The following PARVB variants were observed in gnomAD, a reference collection of about 807,000 sequenced individuals.
The protein encoded by PARVB is parvin beta, also known as beta-parvin.
In PARVB, 46 loss-of-function variants were observed where a neutral mutation model predicts 47.0. That is an observed-to-expected ratio of 0.98 (90% CI 0.77 to 1.25). PARVB has a LOEUF of 1.25. PARVB is among the 50% of genes most tolerant of loss of function. The probability of loss-of-function intolerance (pLI) is 0.00; values close to 1 mark genes in which losing one functional copy is unlikely to be tolerated. For synonymous variants in PARVB, 196 were observed against 196.3 expected (o/e 1.00, Z 0.01); for missense variants, 473 against 471.6 (o/e 1.00, Z -0.03).
chr22:44,056,733 T>C (rs966363776), intron 1 of PARVB, among the ~76,000 whole-genome samples: 2 of 151,828 alleles, frequency 1.3e-5, no homozygotes, highest in African/African-American at 4.8e-5. Flanking sequence ...CTCGAACCCC[T>C]GGGCTCAAGT....
intron 2 of PARVB, among the ~76,000 whole-genome samples, chr22:44,018,120 G>A (rs756435456): frequency 1.3e-5 from 2 of 152,044 alleles, no homozygotes; most frequent in African/African-American, 2.4e-5. Context: ...ACCACATCTC[G>A]GCCAGGCACA....
At chr22:44,127,615 GT>G (rs2053215736) in intron 4 of PARVB, among the ~76,000 whole-genome samples, 1 of 152,228 alleles carries the variant, frequency 6.6e-6, no homozygotes, top group Non-Finnish European at 1.5e-5. Flanking sequence ...GGAAGAGGAA[GT>G]TCTGGCAAAG....
chr22:44,010,301 T>C (rs1385419312), intron 2 of PARVB, among the ~76,000 whole-genome samples: 7 of 152,156 alleles, frequency 4.6e-5, no homozygotes, highest in Non-Finnish European at 8.8e-5. Context: ...CTTAACCCCA[T>C]GTGATGAATG....
At chr22:44,162,404 C>G (rs534660241) in intron 11 of PARVB, among the ~76,000 whole-genome samples, 3 of 152,208 alleles carry the variant, frequency 2.0e-5, no homozygotes, top group Non-Finnish European at 4.4e-5. Context: ...TCACTGCAAC[C>G]TCCGCCTCCT....
At chr22:44,120,953 C>A (rs762471165) in intron 4 of PARVB, among the ~76,000 whole-genome samples, 1 of 151,998 alleles carries the variant, frequency 6.6e-6, no homozygotes, top group Non-Finnish European at 1.5e-5. Flanking sequence ...AAGTGATTCT[C>A]CTGCCTTAGC....
intron 1 of PARVB, among the ~76,000 whole-genome samples, chr22:44,053,824 A>C (rs184890779): frequency 6.6e-6 from 1 of 152,326 alleles, no homozygotes; most frequent in East Asian, 1.9e-4. Flanking sequence ...GGATATTACA[A>C]AGGATACAGA....
chr22:44,033,543 C>T (rs1371438210), intron 1 of PARVB, among the ~76,000 whole-genome samples: 3 of 152,176 alleles, frequency 2.0e-5, no homozygotes, highest in Non-Finnish European at 4.4e-5. Flanking sequence ...TTACGCTTGC[C>T]TGATAGTAGT....
intron 1 of PARVB, chr22:44,081,581 C>T: frequency 1.0e-6 from 1 of 985,310 alleles, no homozygotes; most frequent in Non-Finnish European, 1.2e-6. Context: ...CGTGCTTCTC[C>T]AGACTTAGCT....
At chr22:44,050,002 C>G (rs1353771960) in intron 1 of PARVB, among the ~76,000 whole-genome samples, 1 of 152,180 alleles carries the variant, frequency 6.6e-6, no homozygotes, top group Non-Finnish European at 1.5e-5. Flanking sequence ...GTGCCTGCAC[C>G]TGGACTCGCT....
chr22:44,094,857 C>A (rs1226235689), intron 2 of PARVB, among the ~76,000 whole-genome samples: 1 of 151,664 alleles, frequency 6.6e-6, no homozygotes, highest in Non-Finnish European at 1.5e-5. Context: ...CTAGGCCTGG[C>A]TTGTTGGAAT....
Position 44,125,962 on chromosome 22 carries a change from T to C in PARVB, c.377-5525T>C, listed in dbSNP as rs1448377239. Among the ~76,000 whole-genome samples, 1 of 152,106 alleles carries C rather than the reference T, an allele frequency of 6.6e-6. No homozygotes were observed. Among genetic ancestry groups the C allele is most frequent in the Admixed American group, 6.5e-5 (1 of 15,272 alleles). On this transcript the variant is annotated intron_variant, in intron 4 of 12. Transcript: ENST00000338758. This position sits in a 1 kb window ranked among gnomAD's most constrained non-coding sequence, Gnocchi z 4.1. ...GTTAAACTGCCATAGGAACCAAGAC[T>C]GATGGCCAGGTTTGTGGCTTGAGCA...
At chr22:44,116,661 C>T (rs1372476290) in intron 3 of PARVB, among the ~76,000 whole-genome samples, 1 of 152,214 alleles carries the variant, frequency 6.6e-6, no homozygotes, top group Non-Finnish European at 1.5e-5. Flanking sequence ...TGGAGTCTAA[C>T]AGGGGAGAGC....
chr22:44,095,765 G>A (rs1017286480), intron 2 of PARVB, among the ~76,000 whole-genome samples: 2 of 152,208 alleles, frequency 1.3e-5, no homozygotes, highest in South Asian at 2.1e-4. Context: ...GGGAAGTCCC[G>A]GTTCATCCCT....
intron 1 of PARVB, among the ~76,000 whole-genome samples, chr22:44,090,022 C>T (rs998674385): frequency 2.0e-5 from 3 of 152,210 alleles, no homozygotes; most frequent in Non-Finnish European, 2.9e-5. Context: ...CACAGAGACC[C>T]TGTACATCCA....
At chr22:44,142,816 G>A (rs1422733570) in intron 8 of PARVB, 1 of 152,248 alleles carries the variant, frequency 6.6e-6, no homozygotes, top group Non-Finnish European at 1.5e-5. Flanking sequence ...AATGCAAACA[G>A]GCTATTAGTC....
chr22:44,142,681 C>T (rs2053580934), intron 8 of PARVB: 1 of 152,134 alleles, frequency 6.6e-6, no homozygotes, highest in Non-Finnish European at 1.5e-5. Context: ...CCAGGTGTCA[C>T]ATGTGAAAAG....
intron 1 of PARVB, among the ~76,000 whole-genome samples, chr22:44,055,126 A>T (rs2051282158): frequency 6.6e-6 from 1 of 152,008 alleles, no homozygotes; most frequent in Non-Finnish European, 1.5e-5. Context: ...GTACATATGT[A>T]TAGTTTACTG....
rs117116906 is a variant in PARVB at position 44,121,781 on chromosome 22, A to G, written c.376+2641A>G. Among the ~76,000 whole-genome samples the G allele has an allele frequency of 6.3e-3, 955 of 152,348 alleles. 13 individuals carry two copies. Among genetic ancestry groups the G allele is most frequent in the East Asian group, 0.053 (275 of 5,184 alleles). Reference sequence around the variant, plus strand: ...CACTGCTACTTCTAATTCCAGTTCAATGCTACAAGTTTATCCCTTAACTGT... The same window carrying G: ...CACTGCTACTTCTAATTCCAGTTCAGTGCTACAAGTTTATCCCTTAACTGT... On this transcript the variant is annotated intron_variant, in intron 4 of 12. Coordinates refer to ENST00000338758, the MANE Select transcript of PARVB (RefSeq NM_013327.5).
intron 1 of PARVB, among the ~76,000 whole-genome samples, chr22:44,074,891 A>T (rs1196520666): frequency 2.0e-5 from 3 of 152,024 alleles, no homozygotes; most frequent in Non-Finnish European, 4.4e-5. Context: ...GAGGAAGCAG[A>T]GGACGGAGGA....
Sources: gnomAD v4.1 joint callset for allele counts (sites outside exome capture counted in the v4.1 genomes callset) on GRCh38, gnomAD v4.1.1 for gene constraint, Gnocchi (gnomAD v3.1) non-coding constraint, MANE v1.5 for transcripts, NCBI Gene and HGNC (gene_info 2026-07-23, HGNC 2026-07-21) for gene names.